The following GAPVD1 variants were observed in gnomAD, a reference collection of about 807,000 sequenced individuals.
The protein encoded by GAPVD1 is GTPase activating protein and VPS9 domains 1, also known as GTPase-activating protein and VPS9 domain-containing protein 1.
GAPVD1 carries 35 observed loss-of-function variants against 155.5 expected under a neutral mutation model. The ratio of observed to expected loss-of-function variants is 0.23; its 90% CI spans 0.17 to 0.30. The LOEUF (loss-of-function observed/expected upper bound fraction) is 0.30. GAPVD1 is among the 10% of genes least tolerant of loss of function. The pLI is 1.00. For synonymous variants in GAPVD1, 636 were observed against 619.7 expected (o/e 1.03, Z -0.39); for missense variants, 1,429 against 1,775.7 (o/e 0.80, Z 3.51).
intron 26 of GAPVD1, 58 bp downstream of exon 26, chr9:125,359,550 C>T: frequency 1.2e-6 from 1 of 841,604 alleles, no homozygotes. Flanking sequence ...GTTATTATAC[C>T]ATATAATGTT....
In GAPVD1 at chr9:125,334,270, T is replaced by TAA. The variant is rs780577226; in HGVS notation, c.2428+1662_2428+1663dup. ...CCACACTGTATTCTTCACTCACAGTTAAAAAAAAAAAAAAAAAAAAAAGTT... is the reference window on the plus strand; with the variant it reads ...CCACACTGTATTCTTCACTCACAGTTAAAAAAAAAAAAAAAAAAAAAAAAGTT... On this transcript the variant is annotated intron_variant, in intron 15 of 27. Transcript: ENST00000297933. 2.2e-3 allele frequency among the ~76,000 whole-genome samples: 233 copies of TAA among 104,408 alleles called. 1 individual carries two copies. The highest frequency in any genetic ancestry group is 7.4e-3 in the East Asian group (28 of 3,796). The allele number at this position is 104,408 out of a possible 152,430, so 68.5% of individuals were successfully genotyped here. A position where few individuals can be genotyped will look rare whatever the true frequency, so the allele number is the denominator to read the frequency against.
intron 19 of GAPVD1, chr9:125,345,849 A>G (rs2132236100): frequency 6.6e-6 from 1 of 152,210 alleles, no homozygotes; most frequent in South Asian, 2.1e-4. Context: ...AAATACGTAT[A>G]TGTATATATA....
intron 15 of GAPVD1, among the ~76,000 whole-genome samples, chr9:125,333,991 A>G (rs1265636303): frequency 6.6e-6 from 1 of 152,106 alleles, no homozygotes; most frequent in Non-Finnish European, 1.5e-5. Context: ...GTCTCTAGAC[A>G]TTGCCAAATG....
chr9:125,353,812 A>G (rs61007883), intron 23 of GAPVD1, among the ~76,000 whole-genome samples: 3,321 of 152,250 alleles, frequency 0.022, 127 homozygotes, highest in African/African-American at 0.076. Context: ...CCCTCCCACA[A>G]CACATGGAAA....
At chr9:125,319,870 C>T (rs189335143) in intron 9 of GAPVD1, among the ~76,000 whole-genome samples, 1 of 152,258 alleles carries the variant, frequency 6.6e-6, no homozygotes, top group East Asian at 1.9e-4. Flanking sequence ...GCTGGGGTTA[C>T]AGGCATGAGC....
intron 4 of GAPVD1, among the ~76,000 whole-genome samples, chr9:125,300,583 A>T (rs515985): frequency 4.6e-5 from 7 of 151,886 alleles, no homozygotes; most frequent in Non-Finnish European, 7.4e-5. Context: ...TCAAAAAGAG[A>T]CAGGACTGAT....
chr9:125,359,070 C>G (rs749889919), intron 25 of GAPVD1, among the ~76,000 whole-genome samples: 35 of 152,236 alleles, frequency 2.3e-4, no homozygotes, highest in African/African-American at 3.9e-4. Flanking sequence ...GCTTTTGATC[C>G]TTCTACTTCC....
intron 3 of GAPVD1, among the ~76,000 whole-genome samples, chr9:125,297,327 C>T (rs1052526070): frequency 6.6e-6 from 1 of 152,098 alleles, no homozygotes; most frequent in Non-Finnish European, 1.5e-5. Flanking sequence ...ACAATAAGCA[C>T]GATTAACATG....
intron 12 of GAPVD1, among the ~76,000 whole-genome samples, chr9:125,328,834 C>T (rs1588974669): frequency 7.0e-5 from 2 of 28,378 alleles, no homozygotes; most frequent in South Asian, 1.9e-3. Context: ...AGGGGGCTGA[C>T]CCCCCCCCCA....
At chr9:125,265,009 G>A (rs767128037) in intron 1 of GAPVD1, among the ~76,000 whole-genome samples, 3 of 152,130 alleles carry the variant, frequency 2.0e-5, no homozygotes, top group Non-Finnish European at 2.9e-5. Context: ...GTGAGCCACC[G>A]CGCCTGGCCA....
Position 125,302,688 on chromosome 9 carries a change from G to A in GAPVD1, c.891G>A (p.Leu297=), listed in dbSNP as rs1450477488. ...MYKTLSCVDR[L]EVGEVRAMCT... The stretch of plus-strand genomic sequence containing the variant: ...AAACCCTCTCCTGTGTAGATAGGCT[G>A]GAAGTTGGGGAGGTCAGGGCAATGT... Residue 297 remains leucine (L), a synonymous_variant, in exon 5 of 28, where the codon CTG becomes CTA. Transcript: ENST00000297933. The A allele has an allele frequency of 1.9e-6, 3 of 1,611,886 alleles. No individual in the cohort carries two copies. The highest frequency in any genetic ancestry group is 2.5e-6 in the Non-Finnish European group (3 of 1,179,214).
rs1844338119 is a variant in GAPVD1, at chr9:125,321,564, T to C, written c.1732+2T>C. On this transcript the variant is annotated splice_donor_variant, in intron 10 of 27. Transcript: ENST00000297933. LOFTEE classifies it high-confidence loss of function. Reference sequence around the variant, plus strand: ...ATAATCTGGAAGGAATATCTGAAGGTGAAGGGTTACTTCATTCAAGGAGTT... The same window carrying C: ...ATAATCTGGAAGGAATATCTGAAGGCGAAGGGTTACTTCATTCAAGGAGTT... The C allele has an allele frequency of 6.2e-7, 1 of 1,611,892 alleles. No individual in the cohort carries two copies. The highest frequency in any genetic ancestry group is 1.1e-5 in the South Asian group (1 of 90,940).
chr9:125,312,342 T>C (rs1297232314), intron 8 of GAPVD1, 110 bp from the exon 9 acceptor site: 3 of 683,124 alleles, frequency 4.4e-6, no homozygotes, highest in Non-Finnish European at 7.2e-6. Flanking sequence ...TTTACCACTC[T>C]TGTGCATGTG....
intron 27 of GAPVD1, 134 bp downstream of exon 27, chr9:125,360,859 A>G (rs779232074): frequency 3.0e-6 from 2 of 667,858 alleles, no homozygotes; most frequent in Non-Finnish European, 2.6e-6. Context: ...GAAAGTGCCT[A>G]ATGTCAAGAT....
chr9:125,332,758 T>TA (rs1173152906), intron 15 of GAPVD1, 129 bp downstream of exon 15: 1 of 718,496 alleles, frequency 1.4e-6, no homozygotes, highest in African/African-American at 1.8e-5. Context: ...AGTATCTATT[T>TA]AAGGTCTTAA....
At chr9:125,296,010 T>A (rs1839791181) in intron 3 of GAPVD1, among the ~76,000 whole-genome samples, 1 of 152,176 alleles carries the variant, frequency 6.6e-6, no homozygotes, top group Non-Finnish European at 1.5e-5. Flanking sequence ...ATTTTTTAAT[T>A]ATGAAAAATT....
rs553339160 is a variant in GAPVD1 at position 125,360,674 on chromosome 9, T to C, written c.4191T>C (p.Ser1397=). Residue 1397 remains serine (S), a synonymous_variant, in exon 27 of 28, where the codon TCT becomes TCC. Coordinates refer to ENST00000297933, the MANE Select transcript of GAPVD1 (RefSeq NM_001282680.3). Reference sequence around the variant, plus strand: ...TCCTGAGCCTGGCCAATGAGGACTCTGTCCCTGGAGCGGATGACTTTGTTC... The same window carrying C: ...TCCTGAGCCTGGCCAATGAGGACTCCGTCCCTGGAGCGGATGACTTTGTTC... ...MNLLSLANED[S]VPGADDFVPV... The C allele has an allele frequency of 6.2e-7, 1 of 1,614,104 alleles. No individual in the cohort carries two copies. Among genetic ancestry groups the C allele is most frequent in the South Asian group, 1.1e-5 (1 of 91,078 alleles).
chr9:125,307,281 A>T lies in GAPVD1; in HGVS notation c.1117-132A>T, dbSNP rs945075911. 4.3e-6 allele frequency: 3 copies of T among 691,810 alleles called. No individual in the cohort carries two copies. The African/African-American group carries it at 5.5e-5, about 13-fold the overall frequency. 42.9% of individuals were successfully genotyped at this position (691,810 alleles called of 1,614,324 possible). ...GAAACTTTGTCTCAAAAAAAAAAAA[A>T]AAAATTCAACATCTTAAAAAAATAT... On this transcript the variant is annotated intron_variant, in intron 6 of 27. Transcript: ENST00000297933.
chr9:125,294,440 G>A (rs1407114342), intron 2 of GAPVD1, among the ~76,000 whole-genome samples: 3 of 149,228 alleles, frequency 2.0e-5, no homozygotes, highest in South Asian at 4.2e-4. Context: ...TTCACCTCTT[G>A]GGTTTGAGCA....
Sources: gnomAD v4.1 joint callset for allele counts (sites outside exome capture counted in the v4.1 genomes callset) on GRCh38, gnomAD v4.1.1 for gene constraint, MANE v1.5 for transcripts, NCBI Gene and HGNC (gene_info 2026-07-23, HGNC 2026-07-21) for gene names.